Variants in CASP6 observed in about 807,000 individuals in gnomAD.
CASP6 encodes the protein caspase-6.
CASP6 carries 20 observed loss-of-function variants against 31.8 expected under a neutral mutation model. That is an observed-to-expected ratio of 0.63 (90% CI 0.44 to 0.91). The LOEUF is 0.91. Among genes scored for constraint, CASP6 ranks in the 40% least tolerant of loss-of-function variants. The pLI, the probability that CASP6 is intolerant of heterozygous loss-of-function variation, is 0.00. For synonymous variants in CASP6, 130 were observed against 127.8 expected (o/e 1.02, Z -0.12); for missense variants, 328 against 361.1 (o/e 0.91, Z 0.74).
At chr4:109,689,696 T>C in intron 6 of CASP6, 128 bp from the exon 7 acceptor site, 1 of 801,994 alleles carries the variant, frequency 1.2e-6, no homozygotes. Flanking sequence ...GTCCATGATA[T>C]AAATGGCTTT....
At chr4:109,673,812 T>C in the CASP6 span, 1 of 661,448 alleles carries the variant, frequency 1.5e-6, no homozygotes, top group East Asian at 2.5e-5. Flanking sequence ...AGAGGTTTTT[T>C]CGCTCTAGGG....
downstream of CASP6, chr4:109,685,126 G>C: frequency 1.7e-6 from 1 of 591,132 alleles, no homozygotes; most frequent in African/African-American, 1.8e-5. Context: ...CATGGCCATT[G>C]CAAATATTTC....
chr4:109,668,937 C>G, the CASP6 span, among the ~76,000 whole-genome samples: 1 of 152,060 alleles, frequency 6.6e-6, no homozygotes, highest in Non-Finnish European at 1.5e-5. Context: ...ATCCTGATTT[C>G]TCCCTCATGC....
upstream of CASP6, among the ~76,000 whole-genome samples, chr4:109,707,766 G>A (rs989412241): frequency 3.3e-5 from 5 of 152,152 alleles, no homozygotes; most frequent in Non-Finnish European, 5.9e-5. Flanking sequence ...AATGATGAGG[G>A]TCTCTAGATA....
At chr4:109,682,060 A>G in the CASP6 span, among the ~76,000 whole-genome samples, 1 of 106,370 alleles carries the variant, frequency 9.4e-6, no homozygotes. Flanking sequence ...CCTAATTAGC[A>G]TTTTAGTGAG....
chr4:109,688,769 T>TAAAA lies in CASP6; in HGVS notation c.*557_*560dup. The TAAAA allele has an allele frequency of 6.6e-6, 1 of 152,056 alleles. No individual in the cohort carries two copies. The highest frequency in any genetic ancestry group is 1.5e-5 in the Non-Finnish European group (1 of 68,006). The allele number at this position is 152,056 out of a possible 1,614,324, so 9.4% of individuals were successfully genotyped here. A position where few individuals can be genotyped will look rare whatever the true frequency, so the allele number is the denominator to read the frequency against. ...ATTTTTGTGTAACCCTGCAGTTTATTAAAAAATAATACAAATGCTTATAAA... is the reference window on the plus strand; with the variant it reads ...ATTTTTGTGTAACCCTGCAGTTTATTAAAAAAAAAATAATACAAATGCTTATAAA... On this transcript the variant is annotated 3_prime_UTR_variant, in exon 7 of 7. Transcript: ENST00000265164.
chr4:109,687,257 G>C (rs1729866434), downstream of CASP6, among the ~76,000 whole-genome samples: 1 of 151,998 alleles, frequency 6.6e-6, no homozygotes, highest in African/African-American at 2.4e-5. Flanking sequence ...TACTTGGGAG[G>C]CTGAGGCAGG....
At chr4:109,681,889 G>C in the CASP6 span, among the ~76,000 whole-genome samples, 1 of 152,242 alleles carries the variant, frequency 6.6e-6, no homozygotes, top group Non-Finnish European at 1.5e-5. Context: ...AGATTTAATA[G>C]TGTGAAATAG....
At chr4:109,667,617 A>ATATTTATTATGTAGAG in the CASP6 span, among the ~76,000 whole-genome samples, 1 of 150,590 alleles carries the variant, frequency 6.6e-6, no homozygotes, top group African/African-American at 2.4e-5. Flanking sequence ...ATAGAATAGA[A>ATATTTATTATGTAGAG]TATATATTAT....
chr4:109,685,008 T>G, downstream of CASP6: 1 of 403,134 alleles, frequency 2.5e-6, no homozygotes, highest in Non-Finnish European at 4.4e-6. Context: ...TATTTCTTCC[T>G]TCTTCTTTCC....
chr4:109,684,646 G>A (rs201112233), downstream of CASP6: 31 of 1,383,814 alleles, frequency 2.2e-5, no homozygotes, highest in Admixed American at 1.1e-4. Context: ...TCACTCGACA[G>A]GTGAGTAGTT....
At chr4:109,707,676 C>T (rs6853976), upstream of CASP6, among the ~76,000 whole-genome samples, 1,115 of 152,242 alleles carry the variant, frequency 7.3e-3, 11 homozygotes, top group African/African-American at 0.025. Flanking sequence ...AGCCACGACA[C>T]CTGGCTTCTC....
upstream of CASP6, among the ~76,000 whole-genome samples, chr4:109,707,387 A>AT (rs570364377): frequency 0.097 from 13,172 of 136,326 alleles, 1,010 homozygotes; most frequent in African/African-American, 0.21. Flanking sequence ...TAACTCCTGG[A>AT]TTTTTTTTTT....
At chr4:109,691,211 G>C (rs1213156174) in intron 5 of CASP6, among the ~76,000 whole-genome samples, 1 of 152,162 alleles carries the variant, frequency 6.6e-6, no homozygotes, top group Non-Finnish European at 1.5e-5. Context: ...TTTAGTTAAT[G>C]TTTTAAGAAA....
the CASP6 span, among the ~76,000 whole-genome samples, chr4:109,671,763 T>G: frequency 6.6e-6 from 1 of 152,212 alleles, no homozygotes; most frequent in African/African-American, 2.4e-5. Context: ...TGTTGTTGTT[T>G]TTTTCTTTGC....
chr4:109,698,296 T>C lies in CASP6; in HGVS notation c.83+4A>G. ...ACCTTTATTAGAAAAGAGCACAGCT[T>C]TACCTTTTATAGAAGGCATCTGTTT... On this transcript the variant is annotated splice_donor_region_variant and intron_variant, in intron 2 of 6. Coordinates refer to ENST00000265164, the MANE Select transcript of CASP6 (RefSeq NM_001226.4). 6.2e-7 allele frequency: 1 copy of C among 1,609,754 alleles called. No individual in the cohort carries two copies. Among genetic ancestry groups the C allele is most frequent in the Non-Finnish European group, 8.5e-7 (1 of 1,178,786 alleles).
downstream of CASP6, chr4:109,687,476 T>C (rs1165139788): frequency 2.1e-6 from 3 of 1,420,408 alleles, no homozygotes; most frequent in African/African-American, 4.2e-5. Flanking sequence ...TATGTTTCTC[T>C]TCTTTCTGAT....
chr4:109,691,067 A>G, intron 5 of CASP6, 58 bp from the exon 6 acceptor site: 1 of 1,545,898 alleles, frequency 6.5e-7, no homozygotes, highest in East Asian at 2.3e-5. Context: ...CCCAGTGCTT[A>G]ATGTGTGCAG....
At chr4:109,687,104 C>T (rs1024409030), downstream of CASP6, among the ~76,000 whole-genome samples, 1 of 151,776 alleles carries the variant, frequency 6.6e-6, no homozygotes, top group Non-Finnish European at 1.5e-5. Flanking sequence ...ATTTATATCC[C>T]GTCACTTTGG....
Sources: gnomAD v4.1 joint callset for allele counts (sites outside exome capture counted in the v4.1 genomes callset) on GRCh38, gnomAD v4.1.1 for gene constraint, MANE v1.5 for transcripts, NCBI Gene and HGNC (gene_info 2026-07-23, HGNC 2026-07-21) for gene names.